The following MTMR11 variants were observed in gnomAD, a reference collection of about 807,000 sequenced individuals.
MTMR11 encodes myotubularin related protein 11.
MTMR11 carries 89 observed loss-of-function variants against 100.0 expected under a neutral mutation model. That is an observed-to-expected ratio of 0.89 (90% CI 0.75 to 1.06). The LOEUF is 1.06. Among genes scored for constraint, MTMR11 ranks in the 50% least tolerant of loss-of-function variants. The pLI is 0.00. For synonymous variants in MTMR11, 336 were observed against 326.3 expected, an observed-to-expected ratio of 1.03 and a Z score of -0.32; for missense variants, 809 against 873.7, an observed-to-expected ratio of 0.93 and a Z score of 0.93.
intron 2 of MTMR11, 150 bp from the exon 3 acceptor site, chr1:149,935,855 A>C: frequency 9.0e-7 from 1 of 1,111,668 alleles, no homozygotes; most frequent in Non-Finnish European, 1.3e-6. Context: ...GAGGAAAGAT[A>C]AATGTTTTTT....
chr1:149,928,721 G>C lies in MTMR11; in HGVS notation c.*408C>G, dbSNP rs2092613442. On this transcript the variant is annotated 3_prime_UTR_variant, in exon 17 of 17. Coordinates refer to ENST00000439741, the MANE Select transcript of MTMR11 (RefSeq NM_001145862.2). ...CACTACAAAAATACAGAGGAGATAG[G>C]GTGTTTCCTGTATCCGCCTCATTCC... is the stretch of plus-strand genomic sequence containing the variant. 1 of 732,906 alleles carries C rather than the reference G, an allele frequency of 1.4e-6. No homozygotes were observed. Among genetic ancestry groups the C allele is most frequent in the Non-Finnish European group, 2.3e-6 (1 of 431,934 alleles). The allele number at this position is 732,906 out of a possible 1,614,324, so 45.4% of individuals were successfully genotyped here. A position where few individuals can be genotyped will look rare whatever the true frequency, so the allele number is the denominator to read the frequency against.
At chr1:149,929,463 G>A (rs1481480666) in intron 16 of MTMR11, 146 bp from the exon 17 acceptor site, 20 of 1,191,892 alleles carry the variant, frequency 1.7e-5, no homozygotes, top group East Asian at 1.2e-4. Flanking sequence ...GCACTTTCCC[G>A]CACCTCCTAC....
At position 149,931,359 on chromosome 1, in the gene MTMR11, G is replaced by C; in HGVS notation, c.1191C>G (p.Ala397=). 6.2e-7 allele frequency: 1 copy of C among 1,613,964 alleles called. No individual in the cohort carries two copies. Among genetic ancestry groups the C allele is most frequent in the Non-Finnish European group, 8.5e-7 (1 of 1,179,994 alleles). The change falls in exon 13 of 17, where the codon GCC becomes GCG. Residue 397 remains alanine, a synonymous_variant. Coordinates refer to ENST00000439741, the MANE Select transcript of MTMR11 (RefSeq NM_001145862.2). ...GTGATTGGAAGCCAAACAGTGTTCG[G>C]GCTTCGGGGGCTGAAAGCAGCTGGA... ...SLVQLLSAPE[A]RTLFGFQSLV...
intron 14 of MTMR11, 31 bp from the exon 15 acceptor site, chr1:149,930,578 TA>T: frequency 1.3e-6 from 2 of 1,552,960 alleles, no homozygotes; most frequent in Middle Eastern, 2.1e-4. Flanking sequence ...AAAGGATGGT[TA>T]CACACAATCC....
chr1:149,931,351 A>C lies in MTMR11; in HGVS notation c.1199T>G (p.Leu400Arg). The part of the protein sequence containing the change: ...QLLSAPEART[L>R]FGFQSLVQRE... ...CTGTACTAGTGATTGGAAGCCAAACAGTGTTCGGGCTTCGGGGGCTGAAAG... is the reference window on the plus strand; with the variant it reads ...CTGTACTAGTGATTGGAAGCCAAACCGTGTTCGGGCTTCGGGGGCTGAAAG... The change falls in exon 13 of 17, where the codon CTG becomes CGG. Residue 400 changes from leucine to arginine, a missense_variant. Coordinates refer to ENST00000439741, the MANE Select transcript of MTMR11 (RefSeq NM_001145862.2). The C allele has an allele frequency of 1.9e-6, 3 of 1,613,960 alleles. No individual in the cohort carries two copies. Among genetic ancestry groups the C allele is most frequent in the East Asian group, 4.5e-5 (2 of 44,854 alleles).
At chr1:149,934,684 G>A (rs1350593520) in intron 5 of MTMR11, among the ~76,000 whole-genome samples, 158 bp from the exon 6 acceptor site, 1 of 152,184 alleles carries the variant, frequency 6.6e-6, no homozygotes, top group East Asian at 1.9e-4. Flanking sequence ...ATGGGGACTG[G>A]GGTCGGGAGA....
At chr1:149,934,404 C>T in intron 6 of MTMR11, 44 bp downstream of exon 6, 1 of 1,613,664 alleles carries the variant, frequency 6.2e-7, no homozygotes, top group Non-Finnish European at 8.5e-7. Context: ...CAGCCATCCT[C>T]TGCTTTTTCA....
rs1244240510 is a variant in MTMR11 at position 149,936,823 on chromosome 1, T to C, written c.-176A>G. On this transcript the variant is annotated 5_prime_UTR_variant, in exon 1 of 17. Coordinates refer to ENST00000439741, the MANE Select transcript of MTMR11 (RefSeq NM_001145862.2). ...GCACGGAGCAGAGTTTGGGGGTCCT[T>C]GGAAAGGTGTGTCCAGCCCAGCCTG... The C allele has an allele frequency of 4.9e-6, 3 of 616,518 alleles. No individual in the cohort carries two copies. In the Admixed American group the frequency reaches 9.3e-5, roughly 19 times the overall value. The allele number at this position is 616,518 out of a possible 1,614,324, so 38.2% of individuals were successfully genotyped here.
rs782734170 is a variant in MTMR11 at position 149,935,311 on chromosome 1, G to A, written c.313C>T (p.Arg105Ter). The change falls in exon 4 of 17, where the codon CGA (arginine) becomes TGA (stop). Residue 105 changes from arginine to a stop codon, truncating the protein, a stop_gained. Transcript: ENST00000439741. LOFTEE classifies it high-confidence loss of function. ...EYDFALVNIGRLEAVSGLSRV... is the reference protein window; with the variant it reads ...EYDFALVNIG Reference sequence around the variant, plus strand: ...CCCCCCAACTTACCAGCCTCTAATCGTCCAATGTTGACCAGGGCAAAATCG... The same window carrying A: ...CCCCCCAACTTACCAGCCTCTAATCATCCAATGTTGACCAGGGCAAAATCG... 3.7e-6 allele frequency: 6 copies of A among 1,612,916 alleles called. No individual in the cohort carries two copies. In the East Asian group the frequency reaches 6.7e-5, roughly 18 times the overall value.
rs1350369161 is a variant in MTMR11, at chr1:149,933,709, G to T, written c.772-11C>A. 1 of 1,613,878 alleles carries T rather than the reference G, an allele frequency of 6.2e-7. No individual in the cohort carries two copies. The highest frequency in any genetic ancestry group is 8.5e-7 in the Non-Finnish European group (1 of 1,180,008). On this transcript the variant is annotated splice_polypyrimidine_tract_variant and intron_variant, in intron 8 of 16. Transcript: ENST00000439741. The stretch of plus-strand genomic sequence containing the variant: ...ATGCCAGGACAAGCGCTTCACATGG[G>T]GCAGAAGAGGGTCATTGTGGGAGAA...
intron 1 of MTMR11, 107 bp downstream of exon 1, chr1:149,936,475 G>C: frequency 7.8e-7 from 1 of 1,276,064 alleles, no homozygotes; most frequent in South Asian, 1.5e-5. Flanking sequence ...CTGATAGACA[G>C]ACACACCCTC....
intron 14 of MTMR11, 101 bp downstream of exon 14, chr1:149,930,691 C>A: frequency 1.5e-6 from 2 of 1,372,882 alleles, no homozygotes; most frequent in African/African-American, 1.5e-5. Context: ...TCCCCCTCCC[C>A]ACTCACAGAC....
chr1:149,934,123 C>A, intron 7 of MTMR11, 68 bp downstream of exon 7: 1 of 1,606,154 alleles, frequency 6.2e-7, no homozygotes, highest in African/African-American at 1.3e-5. Context: ...GAAGTCCTAG[C>A]TTTAGAGGAT....
intron 10 of MTMR11, among the ~76,000 whole-genome samples, chr1:149,932,945 C>A (rs1022799652): frequency 1.5e-5 from 2 of 133,758 alleles, no homozygotes; most frequent in Admixed American, 8.0e-5. Flanking sequence ...AGGGAGACTC[C>A]GTCTCATCTG....
At chr1:149,935,774 C>T in intron 2 of MTMR11, 69 bp from the exon 3 acceptor site, 1 of 1,480,028 alleles carries the variant, frequency 6.8e-7, no homozygotes, top group Non-Finnish European at 9.1e-7. Flanking sequence ...TACACCCACC[C>T]CTCCAAGAAA....
chr1:149,933,780 G>A (rs2092689993), intron 8 of MTMR11, 75 bp downstream of exon 8: 1 of 1,607,340 alleles, frequency 6.2e-7, no homozygotes, highest in Non-Finnish European at 8.5e-7. Context: ...ACCTCACAGA[G>A]GTTCCTCCCT....
chr1:149,933,542 G>A lies in MTMR11; in HGVS notation c.861-12C>T, dbSNP rs1327299331. 1.2e-6 allele frequency: 2 copies of A among 1,613,936 alleles called. No individual in the cohort carries two copies. Among genetic ancestry groups the A allele is most frequent in the Non-Finnish European group, 1.7e-6 (2 of 1,179,864 alleles). Reference sequence around the variant, plus strand: ...TCAACTCCACTGCTCTGGAGGGGAGGGAGTCAGGAAATAAGGAGTCTACCC... The same window carrying A: ...TCAACTCCACTGCTCTGGAGGGGAGAGAGTCAGGAAATAAGGAGTCTACCC... On this transcript the variant is annotated splice_polypyrimidine_tract_variant and intron_variant, in intron 9 of 16. Transcript: ENST00000439741.
Position 149,933,880 on chromosome 1 carries a change from C to T in MTMR11, c.746G>A (p.Gly249Asp), listed in dbSNP as rs144808781. Reference sequence around the variant, plus strand: ...CGGTCCACGGCCCTGATGAAAGTGGCCAAATGCTCTCCTGACCTCACTGTC... The same window carrying T: ...CGGTCCACGGCCCTGATGAAAGTGGTCAAATGCTCTCCTGACCTCACTGTC... The part of the protein sequence containing the change: ...ILDSEVRRAF[G>D]HFHQGRGPRL... The change falls in exon 8 of 17, where the codon GGC (glycine) becomes GAC (aspartate). Residue 249 changes from glycine (G) to aspartate (D), a missense_variant. Physicochemically the swap from Gly to Asp is moderately conservative, Grantham distance 94. Coordinates refer to ENST00000439741, the MANE Select transcript of MTMR11 (RefSeq NM_001145862.2). 567 of 1,614,188 alleles carry T rather than the reference C, an allele frequency of 3.5e-4. 1 individual carries two copies. The highest frequency in any genetic ancestry group is 7.7e-4 in the Admixed American group (46 of 60,026).
In MTMR11 at chr1:149,934,912, GTC is replaced by G; in HGVS notation, c.468+72_468+73del. Reference sequence around the variant, plus strand: ...TGAGAGGATCCCAGGGGCTGGAGGAGTCTCAGAAATTGTCAGGGAGAGGATCC... The same window carrying G: ...TGAGAGGATCCCAGGGGCTGGAGGAGTCAGAAATTGTCAGGGAGAGGATCC... On this transcript the variant is annotated intron_variant, in intron 5 of 16. Coordinates refer to ENST00000439741, the MANE Select transcript of MTMR11 (RefSeq NM_001145862.2). 2.6e-6 allele frequency: 4 copies of G among 1,529,210 alleles called. No homozygotes were observed. The South Asian group carries it at 4.9e-5, about 19-fold the overall frequency. 94.7% of individuals were successfully genotyped at this position (1,529,210 alleles called of 1,614,324 possible). A position where few individuals can be genotyped will look rare whatever the true frequency, so the allele number is the denominator to read the frequency against.
Sources: allele counts gnomAD v4.1 joint callset (sites outside exome capture counted in the v4.1 genomes callset), GRCh38; gene constraint gnomAD v4.1.1; transcripts MANE v1.5; gene names NCBI Gene and HGNC (gene_info 2026-07-23, HGNC 2026-07-21).